ARHGAP15: variants seen among roughly 807,000 people sequenced by gnomAD.
ARHGAP15 encodes the protein Rho GTPase activating protein 15.
In ARHGAP15, 51 loss-of-function variants were observed where a neutral mutation model predicts 63.7. The ratio of observed to expected loss-of-function variants is 0.80; its 90% CI spans 0.64 to 1.01. The LOEUF is 1.01. ARHGAP15 is among the 50% of genes least tolerant of loss of function. ARHGAP15 has a pLI of 0.00. For missense variants in ARHGAP15, 560 were observed against 564.6 expected, an observed-to-expected ratio of 0.99 and a Z score of 0.08; for synonymous variants, 191 against 193.8, an observed-to-expected ratio of 0.99 and a Z score of 0.12.
chr2:143,557,399 A>G (rs141334399), intron 11 of ARHGAP15, among the ~76,000 whole-genome samples: 1 of 152,142 alleles, frequency 6.6e-6, no homozygotes, highest in Non-Finnish European at 1.5e-5. Flanking sequence ...AAAAGGTATG[A>G]TTCCAACAAT....
At chr2:143,327,756 T>C (rs930276468) in intron 6 of ARHGAP15, among the ~76,000 whole-genome samples, 1 of 152,070 alleles carries the variant, frequency 6.6e-6, no homozygotes, top group African/African-American at 2.4e-5. Context: ...AATTCACAAA[T>C]GTGATCTAAT....
chr2:143,308,836 A>G (rs1333521758), intron 6 of ARHGAP15, among the ~76,000 whole-genome samples: 4 of 151,318 alleles, frequency 2.6e-5, no homozygotes, highest in East Asian at 3.9e-4. Flanking sequence ...AAGAAAAGAT[A>G]GTAAATCAGG....
chr2:143,599,956 CAT>C lies in ARHGAP15; in HGVS notation c.1004-24175_1004-24174del, dbSNP rs200355201. The stretch of plus-strand genomic sequence containing the variant: ...TTGAATTCCAAATGCCCCCCTAAAA[CAT>C]AACCATAAAAGTAATTTCTTTCCTA... On this transcript the variant is annotated intron_variant, in intron 11 of 13. Coordinates refer to ENST00000295095, the MANE Select transcript of ARHGAP15 (RefSeq NM_018460.4). Among the ~76,000 whole-genome samples, 314 of 152,226 alleles carry C rather than the reference CAT, an allele frequency of 2.1e-3. 1 individual carries two copies. Among genetic ancestry groups the C allele is most frequent in the African/African-American group, 6.8e-3 (281 of 41,518 alleles).
chr2:143,184,459 A>G (rs563228529), intron 2 of ARHGAP15, among the ~76,000 whole-genome samples: 1 of 152,312 alleles, frequency 6.6e-6, no homozygotes, highest in South Asian at 2.1e-4. Flanking sequence ...GTCCAATAGT[A>G]AAAGGGAAGT....
intron 2 of ARHGAP15, among the ~76,000 whole-genome samples, chr2:143,155,963 G>T (rs1219349865): frequency 6.6e-6 from 1 of 151,426 alleles, no homozygotes; most frequent in Non-Finnish European, 1.5e-5. Flanking sequence ...CTAGCATGTG[G>T]TGTTTGTACT....
chr2:143,546,457 A>G (rs1239840916), intron 10 of ARHGAP15, among the ~76,000 whole-genome samples: 2 of 150,316 alleles, frequency 1.3e-5, no homozygotes, highest in Non-Finnish European at 3.0e-5. Flanking sequence ...GCTAAAATTA[A>G]AAAAAAAAGT....
chr2:143,333,382 G>T (rs1684633443), intron 6 of ARHGAP15, among the ~76,000 whole-genome samples: 2 of 152,186 alleles, frequency 1.3e-5, no homozygotes. Context: ...CCATGTCTAT[G>T]TAACTCATTC....
At position 143,402,350 on chromosome 2, in the gene ARHGAP15, A is replaced by G. The variant is rs1319384698; in HGVS notation, c.475-33251A>G. On this transcript the variant is annotated intron_variant, in intron 6 of 13. Coordinates refer to ENST00000295095, the MANE Select transcript of ARHGAP15 (RefSeq NM_018460.4). ...GGATTAAAGAGAGAATGAGAGGCAC[A>G]GATATTCTGTTGTTTTATTACAGAT... Among the ~76,000 whole-genome samples, 5 of 152,062 alleles carry G rather than the reference A, an allele frequency of 3.3e-5. No homozygotes were observed. The East Asian group carries it at 9.6e-4, about 29-fold the overall frequency.
chr2:143,446,553 T>A (rs1295009906), intron 8 of ARHGAP15, among the ~76,000 whole-genome samples: 5 of 152,300 alleles, frequency 3.3e-5, no homozygotes, highest in African/African-American at 1.2e-4. Context: ...ATGCTTGGTT[T>A]TGTCATTCCT....
intron 11 of ARHGAP15, among the ~76,000 whole-genome samples, chr2:143,585,496 A>G (rs1222862835): frequency 6.6e-6 from 1 of 152,154 alleles, no homozygotes. Flanking sequence ...AGAGATGAAT[A>G]GTCAGATAAA....
intron 6 of ARHGAP15, among the ~76,000 whole-genome samples, chr2:143,390,686 T>C (rs1558939538): frequency 6.7e-6 from 1 of 148,682 alleles, no homozygotes; most frequent in Non-Finnish European, 1.5e-5. Context: ...AGCTTGCAGA[T>C]CCCCCCACCG....
intron 11 of ARHGAP15, among the ~76,000 whole-genome samples, chr2:143,557,622 A>G (rs1479980078): frequency 6.6e-6 from 1 of 152,086 alleles, no homozygotes; most frequent in Non-Finnish European, 1.5e-5. Flanking sequence ...AAATTATAAT[A>G]TTTAGTTAAT....
intron 12 of ARHGAP15, among the ~76,000 whole-genome samples, chr2:143,701,605 C>A (rs1006808890): frequency 6.6e-6 from 1 of 152,104 alleles, no homozygotes; most frequent in Non-Finnish European, 1.5e-5. Flanking sequence ...GTGGCATGCA[C>A]CCGTGGTCCT....
At chr2:143,637,893 T>C (rs1179091737) in intron 12 of ARHGAP15, among the ~76,000 whole-genome samples, 5 of 151,812 alleles carry the variant, frequency 3.3e-5, no homozygotes, top group Non-Finnish European at 7.4e-5. Context: ...AAAAAACACA[T>C]GAAAAAATGC....
chr2:143,289,093 CCAAA>C (rs765360269), intron 6 of ARHGAP15, among the ~76,000 whole-genome samples: 97 of 152,028 alleles, frequency 6.4e-4, no homozygotes, highest in African/African-American at 2.2e-3. Context: ...CAGGAGAGAA[CCAAA>C]CAGTGTGTTT....
chr2:143,488,176 G>C (rs1692412955), intron 9 of ARHGAP15, among the ~76,000 whole-genome samples: 1 of 152,162 alleles, frequency 6.6e-6, no homozygotes. Context: ...TCTTCTCTGT[G>C]CCTCAGCTTT....
rs1206481332 is a variant in ARHGAP15, at chr2:143,379,583, CTT to C, written c.475-56016_475-56015del. Among the ~76,000 whole-genome samples, 5 of 150,892 alleles carry C rather than the reference CTT, an allele frequency of 3.3e-5. No individual in the cohort carries two copies. In the South Asian group the frequency reaches 8.5e-4, roughly 26 times the overall value. ...CATGGTATAGTTTACACAATTCTCT[CTT>C]TAGTTTCCTGAAAAAGAATCTGAAG... On this transcript the variant is annotated intron_variant, in intron 6 of 13. Transcript: ENST00000295095.
chr2:143,332,629 A>G (rs1425313641), intron 6 of ARHGAP15, among the ~76,000 whole-genome samples: 1 of 152,156 alleles, frequency 6.6e-6, no homozygotes. Context: ...TGACATACTT[A>G]TGAATTCATG....
chr2:143,419,159 A>C (rs1313006472), intron 6 of ARHGAP15, among the ~76,000 whole-genome samples: 1 of 151,454 alleles, frequency 6.6e-6, no homozygotes, highest in African/African-American at 2.4e-5. Context: ...AGAAAAAAAA[A>C]CCACAAATGC....
Sources: allele counts gnomAD v4.1 joint callset (sites outside exome capture counted in the v4.1 genomes callset), GRCh38; gene constraint gnomAD v4.1.1; transcripts MANE v1.5; gene names NCBI Gene and HGNC (gene_info 2026-07-23, HGNC 2026-07-21).